The following ZNF93 variants were observed in gnomAD, a reference collection of about 807,000 sequenced individuals.
ZNF93 encodes the protein zinc finger protein 93.
ZNF93 carries 29 observed loss-of-function variants against 45.0 expected under a neutral mutation model. That is an observed-to-expected ratio of 0.64 (90% CI 0.48 to 0.88). The LOEUF is 0.88. ZNF93 is among the 40% of genes least tolerant of loss of function. ZNF93 has a pLI of 0.00. For synonymous variants in ZNF93, 223 were observed against 244.6 expected, an observed-to-expected ratio of 0.91 and a Z score of 0.82; for missense variants, 578 against 724.0, an observed-to-expected ratio of 0.80 and a Z score of 2.31.
In ZNF93 at chr19:19,915,632, G is replaced by A. The variant is rs1436129052; in HGVS notation, c.130+226G>A. ...GGGCGGAGGAGATTGCCTGAGGCGA[G>A]GAGTTCGAGACCAGCCTGGCCAACA... is the stretch of plus-strand genomic sequence containing the variant. On this transcript the variant is annotated intron_variant, in intron 2 of 3. Transcript: ENST00000343769. Among the ~76,000 whole-genome samples, 5 of 152,220 alleles carry A rather than the reference G, an allele frequency of 3.3e-5. No homozygotes were observed. In the East Asian group the frequency reaches 7.7e-4, roughly 24 times the overall value.
At chr19:19,904,019 G>C (rs963468988) in intron 1 of ZNF93, among the ~76,000 whole-genome samples, 4 of 147,726 alleles carry the variant, frequency 2.7e-5, no homozygotes, top group Non-Finnish European at 5.9e-5. Context: ...AGATTGCGCC[G>C]CTGCACTCCA....
intron 3 of ZNF93, among the ~76,000 whole-genome samples, chr19:19,920,919 A>G (rs553951457): frequency 1.3e-5 from 2 of 151,966 alleles, no homozygotes; most frequent in African/African-American, 4.8e-5. Context: ...TTTTTTGAAG[A>G]GTTTTTTGTG....
chr19:19,915,990 A>G (rs1460245822), intron 2 of ZNF93, among the ~76,000 whole-genome samples: 1 of 152,092 alleles, frequency 6.6e-6, no homozygotes, highest in African/African-American at 2.4e-5. Flanking sequence ...GAAAATCTAA[A>G]TGCCACCACC....
At position 19,915,448 on chromosome 19, in the gene ZNF93, G is replaced by A. The variant is rs543926402; in HGVS notation, c.130+42G>A. The A allele has an allele frequency of 2.5e-6, 4 of 1,572,902 alleles. No homozygotes were observed. In the South Asian group the frequency reaches 4.8e-5, roughly 19 times the overall value. ...TACATAATTCATAATACACCCTAAA[G>A]GTTTTATTTCTCTTTTTTGTAGAAT... On this transcript the variant is annotated intron_variant, in intron 2 of 3. Coordinates refer to ENST00000343769, the MANE Select transcript of ZNF93 (RefSeq NM_031218.4).
At chr19:19,929,505 C>G (rs1208299113) in intron 3 of ZNF93, among the ~76,000 whole-genome samples, 1 of 152,090 alleles carries the variant, frequency 6.6e-6, no homozygotes, top group Non-Finnish European at 1.5e-5. Flanking sequence ...TTTTGGAGCT[C>G]TGATGTTATG....
intron 3 of ZNF93, 34 bp downstream of exon 3, chr19:19,916,689 CA>C: frequency 1.3e-6 from 2 of 1,521,570 alleles, no homozygotes; most frequent in Non-Finnish European, 9.0e-7. Context: ...CAACAGACAA[CA>C]CAGTAAGAGG....
intron 2 of ZNF93, among the ~76,000 whole-genome samples, chr19:19,915,768 G>A (rs374314286): frequency 2.0e-5 from 3 of 152,202 alleles, no homozygotes; most frequent in African/African-American, 7.2e-5. Context: ...CTTGAACCCA[G>A]GACACGGAGG....
chr19:19,935,004 C>A lies in ZNF93; in HGVS notation c.*186C>A. The A allele has an allele frequency of 1.6e-6, 1 of 616,674 alleles. No homozygotes were observed. Among genetic ancestry groups the A allele is most frequent in the Non-Finnish European group, 2.7e-6 (1 of 368,528 alleles). 38.2% of individuals were successfully genotyped at this position (616,674 alleles called of 1,614,324 possible). On this transcript the variant is annotated 3_prime_UTR_variant, in exon 4 of 4. Coordinates refer to ENST00000343769, the MANE Select transcript of ZNF93 (RefSeq NM_031218.4). ...ATGTAGGCAGGCCTGCAGACCTTGG[C>A]CTTTACTACGGTACCTGAAGTGGTT...
In ZNF93 at chr19:19,920,376, C is replaced by T. The variant is rs1012690961; in HGVS notation, c.226+3721C>T. Among the ~76,000 whole-genome samples, 32 of 152,128 alleles carry T rather than the reference C, an allele frequency of 2.1e-4. 1 individual carries two copies. Among genetic ancestry groups the T allele is most frequent in the East Asian group, 1.9e-4 (1 of 5,200 alleles). On this transcript the variant is annotated intron_variant, in intron 3 of 3. Coordinates refer to ENST00000343769, the MANE Select transcript of ZNF93 (RefSeq NM_031218.4). ...GCCAGCTTATTGAGGATTTTTGCAT[C>T]GATGTTCATCAGGGATGTTGGTCTA...
chr19:19,920,517 G>C (rs1309340542), intron 3 of ZNF93, among the ~76,000 whole-genome samples: 2 of 152,208 alleles, frequency 1.3e-5, no homozygotes, highest in Non-Finnish European at 2.9e-5. Flanking sequence ...AGTTCCAGAA[G>C]GAATGGTACC....
chr19:19,933,208 C>A lies in ZNF93; in HGVS notation c.253C>A (p.Leu85Ile). The A allele has an allele frequency of 6.5e-7, 1 of 1,550,300 alleles. No homozygotes were observed. Among genetic ancestry groups the A allele is most frequent in the Non-Finnish European group, 8.7e-7 (1 of 1,148,830 alleles). ...SVICSHFAQDLWPEQNIKDSF... is the reference protein window; with the variant it reads ...SVICSHFAQDIWPEQNIKDSF... ...TATATGTTCTCATTTTGCCCAAGATCTTTGGCCAGAGCAGAACATAAAAGA... is the reference window on the plus strand; with the variant it reads ...TATATGTTCTCATTTTGCCCAAGATATTTGGCCAGAGCAGAACATAAAAGA... The change falls in exon 4 of 4, where the codon CTT becomes ATT. Residue 85 changes from leucine to isoleucine, a missense_variant. Around this residue, in one of 3 missense-constraint regions of ZNF93, gnomAD observed 446 missense variants for 547.6 expected, o/e 0.81. Coordinates refer to ENST00000343769, the MANE Select transcript of ZNF93 (RefSeq NM_031218.4).
At chr19:19,917,075 G>T (rs1434809252) in intron 3 of ZNF93, among the ~76,000 whole-genome samples, 1 of 151,794 alleles carries the variant, frequency 6.6e-6, no homozygotes, top group Non-Finnish European at 1.5e-5. Flanking sequence ...GCATTTTTTT[G>T]TTCATTTTTC....
At chr19:19,902,583 A>G (rs1329630603) in intron 1 of ZNF93, among the ~76,000 whole-genome samples, 2 of 151,656 alleles carry the variant, frequency 1.3e-5, no homozygotes, top group Non-Finnish European at 2.9e-5. Flanking sequence ...AGTCCTATTT[A>G]GCTTTTTCTG....
intron 1 of ZNF93, among the ~76,000 whole-genome samples, chr19:19,903,649 C>T (rs2063283503): frequency 6.6e-6 from 1 of 151,896 alleles, no homozygotes; most frequent in South Asian, 2.1e-4. Context: ...ACCTGTATTC[C>T]CAGCTACTCA....
At chr19:19,929,185 C>A (rs2063365062) in intron 3 of ZNF93, among the ~76,000 whole-genome samples, 1 of 152,148 alleles carries the variant, frequency 6.6e-6, no homozygotes, top group Non-Finnish European at 1.5e-5. Flanking sequence ...TATAATATGT[C>A]CAGTTACTCT....
chr19:19,919,305 G>T (rs1439865617), intron 3 of ZNF93, among the ~76,000 whole-genome samples: 1 of 152,024 alleles, frequency 6.6e-6, no homozygotes, highest in African/African-American at 2.4e-5. Context: ...CTGTTCCATT[G>T]GTCTATATCT....
At chr19:19,919,088 C>T (rs1437282156) in intron 3 of ZNF93, among the ~76,000 whole-genome samples, 2 of 152,048 alleles carry the variant, frequency 1.3e-5, no homozygotes, top group African/African-American at 2.4e-5. Context: ...GGTTTTAGGT[C>T]TAACATTTAA....
At position 19,929,023 on chromosome 19, in the gene ZNF93, G is replaced by C. The variant is rs184102793; in HGVS notation, c.227-4159G>C. ...CAATGTTGGCTATGGGACCTGGTGG[G>C]ACACGTTTGGGTCATTGGGGGCAAA... is the stretch of plus-strand genomic sequence containing the variant. On this transcript the variant is annotated intron_variant, in intron 3 of 3. Coordinates refer to ENST00000343769, the MANE Select transcript of ZNF93 (RefSeq NM_031218.4). Among the ~76,000 whole-genome samples, 75 of 152,196 alleles carry C rather than the reference G, an allele frequency of 4.9e-4. 1 individual carries two copies. Among genetic ancestry groups the C allele is most frequent in the African/African-American group, 1.7e-3 (72 of 41,532 alleles).
At chr19:19,914,346 C>T (rs1473058985) in intron 1 of ZNF93, among the ~76,000 whole-genome samples, 1 of 152,080 alleles carries the variant, frequency 6.6e-6, no homozygotes, top group Non-Finnish European at 1.5e-5. Flanking sequence ...TAAATGAAGC[C>T]TATTTAAAAT....
Sources: allele counts gnomAD v4.1 joint callset (sites outside exome capture counted in the v4.1 genomes callset), GRCh38; gene constraint gnomAD v4.1.1; regional missense constraint gnomAD v4.1.1; transcripts MANE v1.5; gene names NCBI Gene and HGNC (gene_info 2026-07-23, HGNC 2026-07-21).